The following LIN52 variants were observed in gnomAD, a reference collection of about 807,000 sequenced individuals.
LIN52 encodes the protein protein lin-52 homolog.
LIN52 carries 4 observed loss-of-function variants against 18.5 expected under a neutral mutation model. The ratio of observed to expected loss-of-function variants is 0.22; its 90% CI spans 0.11 to 0.49. The LOEUF (loss-of-function observed/expected upper bound fraction) is 0.49, where lower values mean the gene tolerates loss of function less well. LIN52 is among the 20% of genes least tolerant of loss of function. The pLI, the probability that LIN52 is intolerant of heterozygous loss-of-function variation, is 0.97. For missense variants in LIN52, 102 were observed against 139.5 expected, an observed-to-expected ratio of 0.73 and a Z score of 1.35; for synonymous variants, 34 against 45.5, an observed-to-expected ratio of 0.75 and a Z score of 1.02.
intron 5 of LIN52, among the ~76,000 whole-genome samples, chr14:74,133,882 G>A (rs2061082433): frequency 6.6e-6 from 1 of 152,174 alleles, no homozygotes; most frequent in Non-Finnish European, 1.5e-5. Flanking sequence ...TCTTTTAGTG[G>A]AGAGTGGAGG....
intron 5 of LIN52, among the ~76,000 whole-genome samples, chr14:74,120,593 A>G (rs1437736019): frequency 6.6e-6 from 1 of 152,036 alleles, no homozygotes; most frequent in Non-Finnish European, 1.5e-5. Context: ...CGTCTCTACT[A>G]AAAATACAAA....
At chr14:74,157,343 C>G (rs941766769) in intron 5 of LIN52, among the ~76,000 whole-genome samples, 2 of 151,756 alleles carry the variant, frequency 1.3e-5, no homozygotes, top group African/African-American at 4.8e-5. Context: ...TCCACATTTT[C>G]TTTATCCATT....
chr14:74,100,225 T>A (rs1332776884), intron 4 of LIN52, among the ~76,000 whole-genome samples: 1 of 152,250 alleles, frequency 6.6e-6, no homozygotes, highest in Admixed American at 6.5e-5. Context: ...AAGACAAGGT[T>A]TTACATTTTA....
At position 74,165,751 on chromosome 14, in the gene LIN52, C is replaced by T. The variant is rs532605770; in HGVS notation, c.284-33171C>T. On this transcript the variant is annotated intron_variant, in intron 5 of 5. Transcript: ENST00000555028. ...ATCGAACTCCTGGCCTCAAGTGATCCGCCCACCTCCGCCTCCCAAAGTGTT... is the reference window on the plus strand; with the variant it reads ...ATCGAACTCCTGGCCTCAAGTGATCTGCCCACCTCCGCCTCCCAAAGTGTT... 1.4e-3 allele frequency among the ~76,000 whole-genome samples: 206 copies of T among 151,646 alleles called. 1 individual carries two copies. The highest frequency in any genetic ancestry group is 4.7e-3 in the African/African-American group (195 of 41,328).
At chr14:74,119,922 A>G (rs1336350966) in intron 5 of LIN52, among the ~76,000 whole-genome samples, 1 of 147,924 alleles carries the variant, frequency 6.8e-6, no homozygotes, top group African/African-American at 2.5e-5. Flanking sequence ...TGCAATGTCT[A>G]CCTCCTGGGT....
At chr14:74,116,443 C>T (rs1019084936) in intron 5 of LIN52, among the ~76,000 whole-genome samples, 15 of 151,932 alleles carry the variant, frequency 9.9e-5, no homozygotes, top group Admixed American at 3.9e-4. Context: ...CTGTGGCTTA[C>T]GCCTGTAATC....
At chr14:74,126,682 T>C (rs1456456020) in intron 5 of LIN52, among the ~76,000 whole-genome samples, 10 of 152,186 alleles carry the variant, frequency 6.6e-5, no homozygotes, top group Admixed American at 5.9e-4. Flanking sequence ...CTAGGGTAGG[T>C]AGATCCAGAA....
At chr14:74,128,677 C>A (rs946784723) in intron 5 of LIN52, among the ~76,000 whole-genome samples, 6 of 152,356 alleles carry the variant, frequency 3.9e-5, no homozygotes, top group African/African-American at 1.4e-4. Context: ...TGCAGTGGCT[C>A]ATGCCTGTAA....
intron 5 of LIN52, among the ~76,000 whole-genome samples, chr14:74,109,227 T>C (rs2060913555): frequency 6.6e-6 from 1 of 152,218 alleles, no homozygotes; most frequent in African/African-American, 2.4e-5. Flanking sequence ...CTCACACCTG[T>C]AATCCCAGCA....
intron 5 of LIN52, among the ~76,000 whole-genome samples, chr14:74,176,687 T>A (rs1421803395): frequency 1.3e-5 from 2 of 152,204 alleles, no homozygotes; most frequent in South Asian, 4.1e-4. Context: ...TATAATCTTA[T>A]GGGACCACCA....
intron 5 of LIN52, among the ~76,000 whole-genome samples, chr14:74,139,011 A>G (rs767434505): frequency 1.5e-4 from 22 of 150,224 alleles, no homozygotes; most frequent in African/African-American, 2.4e-5. Context: ...CAAAGGTGTC[A>G]TCAAGGACTA....
intron 1 of LIN52, among the ~76,000 whole-genome samples, chr14:74,089,346 A>G (rs1356974403): frequency 2.0e-5 from 3 of 151,134 alleles, no homozygotes; most frequent in Non-Finnish European, 4.4e-5. Flanking sequence ...TTTGAAGATA[A>G]TTAGGTTTAA....
chr14:74,107,640 A>G (rs1286099258), intron 5 of LIN52, among the ~76,000 whole-genome samples: 1 of 152,076 alleles, frequency 6.6e-6, no homozygotes, highest in Non-Finnish European at 1.5e-5. Context: ...TAAGATAAGA[A>G]TCATATTTTT....
At chr14:74,154,867 A>G (rs1199967860) in intron 5 of LIN52, among the ~76,000 whole-genome samples, 1 of 152,164 alleles carries the variant, frequency 6.6e-6, no homozygotes, top group Non-Finnish European at 1.5e-5. Flanking sequence ...TAACTCTGCT[A>G]AGAATTATTG....
At chr14:74,172,596 C>T (rs942046569) in intron 5 of LIN52, among the ~76,000 whole-genome samples, 2 of 152,168 alleles carry the variant, frequency 1.3e-5, no homozygotes, top group African/African-American at 2.4e-5. Flanking sequence ...TCAGGTGCAA[C>T]TTAGGACTGA....
intron 5 of LIN52, among the ~76,000 whole-genome samples, chr14:74,168,104 A>G (rs541755384): frequency 8.5e-5 from 13 of 152,360 alleles, no homozygotes; most frequent in South Asian, 4.1e-4. Flanking sequence ...GCAATTAACT[A>G]TAGAATGTTA....
intron 5 of LIN52, among the ~76,000 whole-genome samples, chr14:74,173,105 T>G (rs2061278596): frequency 6.6e-6 from 1 of 152,250 alleles, no homozygotes. Flanking sequence ...CTGTTGTTCA[T>G]GATCTGAATT....
intron 5 of LIN52, among the ~76,000 whole-genome samples, chr14:74,106,591 T>C (rs2060898300): frequency 1.3e-5 from 2 of 151,910 alleles, no homozygotes; most frequent in East Asian, 3.9e-4. Context: ...TTATTATTTA[T>C]TTATTTGTTT....
chr14:74,127,478 CAT>C (rs983018815), intron 5 of LIN52, among the ~76,000 whole-genome samples: 3 of 152,066 alleles, frequency 2.0e-5, no homozygotes, highest in Non-Finnish European at 2.9e-5. Flanking sequence ...CAGGTTGGCT[CAT>C]GTGAGATTTC....
Sources: allele counts gnomAD v4.1 joint callset (sites outside exome capture counted in the v4.1 genomes callset), GRCh38; gene constraint gnomAD v4.1.1; transcripts MANE v1.5; gene names NCBI Gene and HGNC (gene_info 2026-07-23, HGNC 2026-07-21).